GNA12: variants seen among roughly 807,000 people sequenced by gnomAD.
The protein encoded by GNA12 is guanine nucleotide-binding protein subunit alpha-12.
In GNA12, 9 loss-of-function variants were observed where a neutral mutation model predicts 26.0. That is an observed-to-expected ratio of 0.35 (90% CI 0.21 to 0.60). The LOEUF (loss-of-function observed/expected upper bound fraction) is 0.60, where lower values mean the gene tolerates loss of function less well. Ranked by LOEUF, GNA12 falls within the 20% of genes least tolerant of loss-of-function variation. The pLI is 0.78. For missense variants in GNA12, 405 were observed against 525.8 expected, an observed-to-expected ratio of 0.77 and a Z score of 2.25; for synonymous variants, 264 against 219.6, an observed-to-expected ratio of 1.20 and a Z score of -1.79.
intron 2 of GNA12, among the ~76,000 whole-genome samples, chr7:2,784,413 C>T (rs1342593705): frequency 4.6e-5 from 7 of 152,236 alleles, no homozygotes; most frequent in Non-Finnish European, 5.9e-5. Flanking sequence ...CCACCATGCC[C>T]AGCCAAGCTG....
chr7:2,843,644 C>A (rs1562454890), intron 1 of GNA12, among the ~76,000 whole-genome samples: 1 of 150,790 alleles, frequency 6.6e-6, no homozygotes, highest in Admixed American at 6.6e-5. Context: ...GAGACCCCAT[C>A]TCAAAAAGGG....
intron 2 of GNA12, among the ~76,000 whole-genome samples, chr7:2,747,486 A>G (rs1403727629): frequency 1.3e-5 from 2 of 152,188 alleles, no homozygotes; most frequent in East Asian, 1.9e-4. Context: ...CATGCTAAAA[A>G]CTCTCAACAA....
At chr7:2,761,322 G>T (rs1367367934) in intron 2 of GNA12, among the ~76,000 whole-genome samples, 5 of 152,210 alleles carry the variant, frequency 3.3e-5, no homozygotes, top group Admixed American at 1.3e-4. Flanking sequence ...AGAGCCGTCT[G>T]CTGGCTATGC....
chr7:2,842,238 C>T (rs369722392), intron 1 of GNA12, among the ~76,000 whole-genome samples: 34 of 152,256 alleles, frequency 2.2e-4, no homozygotes, highest in Middle Eastern at 6.8e-3. Context: ...TCAGTTTCCT[C>T]CAGATCTTCC....
At chr7:2,781,037 T>A (rs1213148360) in intron 2 of GNA12, among the ~76,000 whole-genome samples, 1 of 152,224 alleles carries the variant, frequency 6.6e-6, no homozygotes, top group Admixed American at 6.5e-5. Flanking sequence ...CGTTTTAATT[T>A]TTGCAAATCT....
intron 1 of GNA12, among the ~76,000 whole-genome samples, chr7:2,832,832 AG>A (rs969112930): frequency 2.6e-5 from 4 of 152,162 alleles, no homozygotes; most frequent in African/African-American, 7.2e-5. Flanking sequence ...GCTGCCCTCC[AG>A]CACCTTTCTA....
At chr7:2,747,450 G>T (rs1484289170) in intron 2 of GNA12, among the ~76,000 whole-genome samples, 1 of 152,110 alleles carries the variant, frequency 6.6e-6, no homozygotes, top group Admixed American at 6.5e-5. Context: ...ATGCAGAAAA[G>T]GCCTTTGACA....
At chr7:2,774,890 T>C (rs2115426588) in intron 2 of GNA12, among the ~76,000 whole-genome samples, 1 of 152,300 alleles carries the variant, frequency 6.6e-6, no homozygotes, top group African/African-American at 2.4e-5. Flanking sequence ...TCATGCACAG[T>C]GGTTGGCACA....
At chr7:2,820,137 T>C (rs1256315462) in intron 1 of GNA12, among the ~76,000 whole-genome samples, 1 of 152,184 alleles carries the variant, frequency 6.6e-6, no homozygotes, top group Non-Finnish European at 1.5e-5. Flanking sequence ...TATGATTCCA[T>C]TTACATAAAA....
chr7:2,833,850 G>T (rs1489280883), intron 1 of GNA12, among the ~76,000 whole-genome samples: 1 of 152,052 alleles, frequency 6.6e-6, no homozygotes, highest in Non-Finnish European at 1.5e-5. Context: ...ACTCTTAAAG[G>T]CCAGAACAGC....
At chr7:2,764,218 A>G (rs1791706198) in intron 2 of GNA12, among the ~76,000 whole-genome samples, 1 of 150,184 alleles carries the variant, frequency 6.7e-6, no homozygotes, top group Non-Finnish European at 1.5e-5. Context: ...GACCACGGGC[A>G]CGTGCCACCT....
intron 1 of GNA12, among the ~76,000 whole-genome samples, chr7:2,819,710 G>A (rs562827330): frequency 2.0e-5 from 3 of 152,302 alleles, no homozygotes; most frequent in East Asian, 1.9e-4. Flanking sequence ...AAGGCAAACC[G>A]AAAACGGGAT....
At chr7:2,820,400 G>T (rs1189118914) in intron 1 of GNA12, among the ~76,000 whole-genome samples, 2 of 86,610 alleles carry the variant, frequency 2.3e-5, no homozygotes, top group African/African-American at 4.6e-5. Context: ...GCTCAATAAA[G>T]CTTTTTTTTT....
In GNA12 at chr7:2,815,547, C is replaced by T. The variant is rs534161368; in HGVS notation, c.310-20404G>A. 1.1e-4 allele frequency among the ~76,000 whole-genome samples: 17 copies of T among 152,344 alleles called. No individual in the cohort carries two copies. In the South Asian group the frequency reaches 3.5e-3, roughly 32 times the overall value. ...CACCCCAGGGCCAAGCACTGGACAA[C>T]CAGGGACCACCCTGATAGCACAGAG... is the stretch of plus-strand genomic sequence containing the variant. On this transcript the variant is annotated intron_variant, in intron 1 of 3. Coordinates refer to ENST00000275364, the MANE Select transcript of GNA12 (RefSeq NM_007353.3).
intron 2 of GNA12, among the ~76,000 whole-genome samples, chr7:2,753,145 A>G (rs905745702): frequency 4.0e-5 from 6 of 149,560 alleles, no homozygotes; most frequent in Non-Finnish European, 8.9e-5. Flanking sequence ...GAAACCATAC[A>G]GCATGCGGCT....
chr7:2,831,635 C>T (rs899898433), intron 1 of GNA12, among the ~76,000 whole-genome samples: 1 of 151,894 alleles, frequency 6.6e-6, no homozygotes, highest in African/African-American at 2.4e-5. Context: ...GATCTCCTGA[C>T]CTCGTGATCC....
intron 2 of GNA12, among the ~76,000 whole-genome samples, chr7:2,737,422 G>A (rs1159912486): frequency 6.6e-6 from 1 of 151,392 alleles, no homozygotes; most frequent in Non-Finnish European, 1.5e-5. Context: ...CAGAGTAGTT[G>A]GGACTACAGG....
intron 1 of GNA12, among the ~76,000 whole-genome samples, chr7:2,827,077 C>T (rs142101493): frequency 9.2e-5 from 14 of 152,188 alleles, no homozygotes; most frequent in African/African-American, 3.4e-4. Context: ...TTTCTGTAAA[C>T]CTAAAATTAA....
chr7:2,803,338 G>A (rs1792862363), intron 1 of GNA12, among the ~76,000 whole-genome samples: 1 of 152,176 alleles, frequency 6.6e-6, no homozygotes, highest in Non-Finnish European at 1.5e-5. Context: ...GGACGATCGA[G>A]GGCTTTGGAA....
Sources: gnomAD v4.1 joint callset for allele counts (sites outside exome capture counted in the v4.1 genomes callset) on GRCh38, gnomAD v4.1.1 for gene constraint, MANE v1.5 for transcripts, NCBI Gene and HGNC (gene_info 2026-07-23, HGNC 2026-07-21) for gene names.